The following ZEB2 variants were observed in gnomAD, a reference collection of about 807,000 sequenced individuals.
ZEB2 encodes zinc finger E-box binding homeobox 2.
A neutral mutation model predicts 99.9 loss-of-function variants in ZEB2; 6 were observed. The observed-to-expected ratio is 0.06, with a 90% CI of 0.03 to 0.12. The LOEUF (loss-of-function observed/expected upper bound fraction) is 0.12. Among genes scored for constraint, ZEB2 ranks in the 10% least tolerant of loss-of-function variants. The pLI is 1.00. For missense variants in ZEB2, 969 were observed against 1,502.8 expected (o/e 0.64, Z 5.87); for synonymous variants, 517 against 542.5 (o/e 0.95, Z 0.65).
At chr2:144,476,660 T>C (rs1704434787) in intron 2 of ZEB2, among the ~76,000 whole-genome samples, 1 of 152,200 alleles carries the variant, frequency 6.6e-6, no homozygotes, top group Non-Finnish European at 1.5e-5. Flanking sequence ...AGCTCAGGCT[T>C]CTCACAAATT....
At chr2:144,440,511 ATATATTTTTTTT>A (rs1379436416) in intron 2 of ZEB2, among the ~76,000 whole-genome samples, 111 of 30,132 alleles carry the variant, frequency 3.7e-3, no homozygotes, top group East Asian at 0.013. Flanking sequence ...ATATATATAT[ATATATTTTTTTT>A]TTTTTTTTTT....
chr2:144,482,554 TG>T (rs1369192644), intron 2 of ZEB2, among the ~76,000 whole-genome samples: 1 of 152,234 alleles, frequency 6.6e-6, no homozygotes, highest in African/African-American at 2.4e-5. Context: ...TCCCTTTCAA[TG>T]TTTCACATTT....
At chr2:144,426,179 G>A (rs1420135641) in intron 3 of ZEB2, among the ~76,000 whole-genome samples, 1 of 152,040 alleles carries the variant, frequency 6.6e-6, no homozygotes, top group Non-Finnish European at 1.5e-5. Context: ...ATTCATTCCT[G>A]AGCAAGGAAT....
intron 6 of ZEB2, among the ~76,000 whole-genome samples, chr2:144,402,432 C>T (rs1703325095): frequency 6.6e-6 from 1 of 152,092 alleles, no homozygotes; most frequent in Non-Finnish European, 1.5e-5. Context: ...AGAGCCCAGC[C>T]CGCCGAGCGC....
chr2:144,411,147 C>CAG (rs1703459750), intron 4 of ZEB2, among the ~76,000 whole-genome samples: 1 of 139,890 alleles, frequency 7.1e-6, no homozygotes, highest in African/African-American at 2.7e-5. Context: ...CACACACACA[C>CAG]ACGCTTCCCC....
chr2:144,506,990 C>A (rs1290641754), intron 2 of ZEB2, among the ~76,000 whole-genome samples: 2 of 152,060 alleles, frequency 1.3e-5, no homozygotes, highest in Non-Finnish European at 2.9e-5. Context: ...TGGTCATCTA[C>A]CTCTCTCACC....
intron 4 of ZEB2, among the ~76,000 whole-genome samples, chr2:144,420,222 G>A (rs796497701): frequency 1.1e-4 from 17 of 152,044 alleles, no homozygotes; most frequent in African/African-American, 3.9e-4. Flanking sequence ...TACTAATATC[G>A]ACATATACAT....
At chr2:144,393,305 A>T (rs1703175975) in intron 9 of ZEB2, among the ~76,000 whole-genome samples, 1 of 152,232 alleles carries the variant, frequency 6.6e-6, no homozygotes, top group East Asian at 1.9e-4. Flanking sequence ...TGCCTAGGAA[A>T]TAAATTGAGG....
intron 2 of ZEB2, among the ~76,000 whole-genome samples, chr2:144,508,567 T>C (rs1255579734): frequency 6.6e-6 from 1 of 151,976 alleles, no homozygotes; most frequent in East Asian, 1.9e-4. Flanking sequence ...ACCTGTAAAG[T>C]TATTCTTGTG....
chr2:144,487,610 G>T (rs1704616988), intron 2 of ZEB2, among the ~76,000 whole-genome samples: 2 of 152,158 alleles, frequency 1.3e-5, no homozygotes, highest in Admixed American at 1.3e-4. Context: ...AGAAAGCAAT[G>T]AATTTGTTAG....
At chr2:144,499,551 C>T (rs769133365) in intron 2 of ZEB2, among the ~76,000 whole-genome samples, 1 of 152,098 alleles carries the variant, frequency 6.6e-6, no homozygotes, top group East Asian at 1.9e-4. Flanking sequence ...CTAGTGATAA[C>T]TTTATTAACT....
intron 2 of ZEB2, among the ~76,000 whole-genome samples, chr2:144,432,904 T>C (rs1703792288): frequency 6.6e-6 from 1 of 152,184 alleles, no homozygotes; most frequent in African/African-American, 2.4e-5. Flanking sequence ...GCAGAATATA[T>C]TAGGCCAGTG....
At chr2:144,512,603 C>T in intron 2 of ZEB2, 1 of 1,287,192 alleles carries the variant, frequency 7.8e-7, no homozygotes, top group Non-Finnish European at 1.0e-6. Flanking sequence ...TTATTTGTAT[C>T]TGGTAACAGA....
Position 144,384,285 on chromosome 2 carries a change from G to A in ZEB2, c.*5166C>T, listed in dbSNP as rs1703052065. ...CGTTTAATAGAGAAAGTTTTAGCTT[G>A]TGGCATATTCAGCATCATATTATCT... On this transcript the variant is annotated 3_prime_UTR_variant, in exon 10 of 10. Coordinates refer to ENST00000627532, the MANE Select transcript of ZEB2 (RefSeq NM_014795.4). 1 of 151,896 alleles carries A rather than the reference G, an allele frequency of 6.6e-6. No individual in the cohort carries two copies. Among genetic ancestry groups the A allele is most frequent in the South Asian group, 2.1e-4 (1 of 4,816 alleles). 9.4% of individuals were successfully genotyped at this position (151,896 alleles called of 1,614,324 possible).
chr2:144,394,702 T>A (rs1703198017), intron 9 of ZEB2, among the ~76,000 whole-genome samples: 1 of 152,196 alleles, frequency 6.6e-6, no homozygotes, highest in African/African-American at 2.4e-5. Context: ...TAAGGTATCA[T>A]TAAACTTTTA....
chr2:144,422,905 T>C (rs1703639271), intron 4 of ZEB2, among the ~76,000 whole-genome samples: 1 of 152,222 alleles, frequency 6.6e-6, no homozygotes, highest in Admixed American at 6.5e-5. Context: ...TCTTCATCAT[T>C]ATTTTTTCAG....
At chr2:144,509,769 C>T (rs944155603) in intron 2 of ZEB2, among the ~76,000 whole-genome samples, 2 of 152,140 alleles carry the variant, frequency 1.3e-5, no homozygotes, top group African/African-American at 2.4e-5. Context: ...AAAGTTGTCA[C>T]GAGAGGTTTC....
Position 144,398,959 on chromosome 2 carries a change from G to A in ZEB2, c.2228C>T (p.Ser743Phe). The change falls in exon 8 of 10, where the codon TCT (serine) becomes TTT (phenylalanine). Residue 743 changes from serine (S) to phenylalanine (F), a missense_variant. Ser to Phe is a radical substitution (Grantham distance 155). This residue lies in a region of ZEB2 where 346 missense variants were observed against 460.0 expected (regional missense o/e 0.75). Coordinates refer to ENST00000627532, the MANE Select transcript of ZEB2 (RefSeq NM_014795.4). ...VKPMDSITSP[S>F]IAELHNSVTN... ...AACACTGTTGTGGAGTTCTGCTATA[G>A]ATGGTGATGTTATGGAGTCCATAGG... The A allele has an allele frequency of 6.2e-7, 1 of 1,614,198 alleles. No individual in the cohort carries two copies. The highest frequency in any genetic ancestry group is 1.6e-4 in the Middle Eastern group (1 of 6,062).
chr2:144,505,172 G>A (rs182964736), intron 2 of ZEB2, among the ~76,000 whole-genome samples: 165 of 151,886 alleles, frequency 1.1e-3, no homozygotes, highest in African/African-American at 3.8e-3. Flanking sequence ...AAGACCAGTT[G>A]ACTATACATT....
Sources: allele counts gnomAD v4.1 joint callset (sites outside exome capture counted in the v4.1 genomes callset), GRCh38; gene constraint gnomAD v4.1.1; regional missense constraint gnomAD v4.1.1; transcripts MANE v1.5; gene names NCBI Gene and HGNC (gene_info 2026-07-23, HGNC 2026-07-21).